The following ZNF516 variants were observed in gnomAD, a reference collection of about 807,000 sequenced individuals.
ZNF516 encodes zinc finger protein 516.
A neutral mutation model predicts 79.7 loss-of-function variants in ZNF516; 19 were observed. The ratio of observed to expected loss-of-function variants is 0.24; its 90% confidence interval spans 0.17 to 0.35. The LOEUF is 0.35. Among genes scored for constraint, ZNF516 ranks in the 10% least tolerant of loss-of-function variants. The probability of loss-of-function intolerance (pLI) is 1.00; values close to 1 mark genes in which losing one functional copy is unlikely to be tolerated. For missense variants in ZNF516, 1,678 were observed against 1,679.5 expected (o/e 1.00, Z 0.02); for synonymous variants, 877 against 739.5 (o/e 1.19, Z -3.02).
chr18:76,422,520 G>T (rs1249265820), intron 3 of ZNF516, among the ~76,000 whole-genome samples: 1 of 152,212 alleles, frequency 6.6e-6, no homozygotes, highest in Non-Finnish European at 1.5e-5. Flanking sequence ...TAATTATGAG[G>T]CAGTTCTAAG....
rs570451976 is a variant in ZNF516, at chr18:76,410,116, C to T, written c.1811-29813G>A. 2.8e-3 allele frequency among the ~76,000 whole-genome samples: 422 copies of T among 152,270 alleles called. 5 individuals are homozygous for T. Among genetic ancestry groups the T allele is most frequent in the Middle Eastern group, 0.01 (3 of 294 alleles). On this transcript the variant is annotated intron_variant, in intron 3 of 6. Coordinates refer to ENST00000443185, the MANE Select transcript of ZNF516 (RefSeq NM_014643.4). ...AGCTATGAGTCCACTAAGCCTCTTT[C>T]CTTTATAAATCACCCAGTCTTGGGT...
intron 3 of ZNF516, among the ~76,000 whole-genome samples, chr18:76,418,244 AAC>A (rs1310901944): frequency 6.6e-6 from 1 of 152,148 alleles, no homozygotes; most frequent in African/African-American, 2.4e-5. Context: ...ATCACACTAT[AAC>A]ACACTAACAT....
chr18:76,369,227 T>C (rs145586822), intron 6 of ZNF516, among the ~76,000 whole-genome samples: 3 of 152,252 alleles, frequency 2.0e-5, no homozygotes, highest in African/African-American at 7.2e-5. Context: ...GGAAATCTTT[T>C]CATTCCATTT....
intron 4 of ZNF516, 31 bp downstream of exon 4, chr18:76,378,824 G>A: frequency 6.3e-7 from 1 of 1,593,594 alleles, no homozygotes; most frequent in Non-Finnish European, 8.6e-7. Context: ...GTCACATGTG[G>A]CCTGGGGAAG....
chr18:76,389,985 G>A (rs4891159), intron 3 of ZNF516, among the ~76,000 whole-genome samples: 53,166 of 152,054 alleles, frequency 0.35, 9,908 homozygotes, highest in East Asian at 0.48. Context: ...CCCGGTTCAC[G>A]CTTATTATAG....
At chr18:76,418,122 AAC>A (rs888297307) in intron 3 of ZNF516, among the ~76,000 whole-genome samples, 10 of 152,212 alleles carry the variant, frequency 6.6e-5, no homozygotes, top group African/African-American at 2.2e-4. Flanking sequence ...AACATACTGT[AAC>A]ACATGCTACA....
intron 2 of ZNF516, among the ~76,000 whole-genome samples, 178 bp downstream of exon 2, chr18:76,462,850 G>C (rs1171645170): frequency 2.0e-5 from 3 of 152,102 alleles, no homozygotes; most frequent in Non-Finnish European, 4.4e-5. Flanking sequence ...TCCCAGTTAT[G>C]TGCTCTGGTT....
At chr18:76,418,775 G>A (rs1027403220) in intron 3 of ZNF516, among the ~76,000 whole-genome samples, 18 of 152,124 alleles carry the variant, frequency 1.2e-4, no homozygotes, top group South Asian at 2.1e-4. Context: ...ATGCAAAGCC[G>A]GGGAAAATGA....
At chr18:76,471,620 T>C (rs914020674) in intron 1 of ZNF516, among the ~76,000 whole-genome samples, 6 of 152,208 alleles carry the variant, frequency 3.9e-5, no homozygotes, top group African/African-American at 1.4e-4. Flanking sequence ...ACACGACAGC[T>C]GGGCCTCAGC....
At chr18:76,391,217 G>A (rs1182621433) in intron 3 of ZNF516, among the ~76,000 whole-genome samples, 1 of 152,160 alleles carries the variant, frequency 6.6e-6, no homozygotes, top group Non-Finnish European at 1.5e-5. Context: ...GTAAGTGTGA[G>A]CGTAAGGGCT....
intron 5 of ZNF516, among the ~76,000 whole-genome samples, chr18:76,370,974 T>A (rs2074694026): frequency 6.6e-6 from 1 of 152,190 alleles, no homozygotes; most frequent in Non-Finnish European, 1.5e-5. Flanking sequence ...CTAATGCCCC[T>A]GCGCTGTCCT....
At chr18:76,480,530 T>TATA (rs755045197) in intron 1 of ZNF516, among the ~76,000 whole-genome samples, 505 of 23,408 alleles carry the variant, frequency 0.022, 2 homozygotes, top group South Asian at 0.12. Flanking sequence ...CACACATATA[T>TATA]TTTTTTTTTT....
chr18:76,400,396 T>G (rs1256564262), intron 3 of ZNF516, among the ~76,000 whole-genome samples: 2 of 152,230 alleles, frequency 1.3e-5, no homozygotes, highest in Non-Finnish European at 2.9e-5. Context: ...AAACAGCTAT[T>G]TCTGAGCACT....
At chr18:76,458,659 C>T (rs1231536565) in intron 2 of ZNF516, among the ~76,000 whole-genome samples, 8 of 147,972 alleles carry the variant, frequency 5.4e-5, no homozygotes, top group Non-Finnish European at 1.2e-4. Context: ...CGTGCGTGTG[C>T]GTGCCTCACC....
At position 76,369,975 on chromosome 18, in the gene ZNF516, G is replaced by A. The variant is rs371605822; in HGVS notation, c.3432+553C>T. Among the ~76,000 whole-genome samples the A allele has an allele frequency of 6.6e-5, 10 of 152,290 alleles. No homozygotes were observed. The South Asian group carries it at 1.9e-3, about 28-fold the overall frequency. On this transcript the variant is annotated intron_variant, in intron 6 of 6. Transcript: ENST00000443185. ...CTAGTGCCAGGGTCCCACACACTCA[G>A]TGTGTACTGAGTCATGCATGTACAC...
intron 4 of ZNF516, among the ~76,000 whole-genome samples, chr18:76,377,396 A>T (rs1191616216): frequency 6.6e-6 from 1 of 152,276 alleles, no homozygotes; most frequent in African/African-American, 2.4e-5. Flanking sequence ...TTTGCCAGCA[A>T]ATCTGTAAGA....
intron 6 of ZNF516, among the ~76,000 whole-genome samples, chr18:76,364,499 C>G (rs546223625): frequency 7.9e-4 from 121 of 152,316 alleles, no homozygotes; most frequent in African/African-American, 2.7e-3. Context: ...TTCTTTTCTG[C>G]AGCTGTGAAC....
intron 3 of ZNF516, among the ~76,000 whole-genome samples, chr18:76,413,990 T>C (rs1208239622): frequency 6.6e-6 from 1 of 152,250 alleles, no homozygotes; most frequent in Non-Finnish European, 1.5e-5. Flanking sequence ...GTCACTTTTT[T>C]TAAACAAACA....
chr18:76,490,088 C>T, intron 1 of ZNF516: 1 of 834,626 alleles, frequency 1.2e-6, no homozygotes, highest in Non-Finnish European at 1.4e-6. Flanking sequence ...CATGCTTGTG[C>T]CTTAACACAC....
Sources: allele counts gnomAD v4.1 joint callset (sites outside exome capture counted in the v4.1 genomes callset), GRCh38; gene constraint gnomAD v4.1.1; transcripts MANE v1.5; gene names NCBI Gene and HGNC (gene_info 2026-07-23, HGNC 2026-07-21).